The following PAK4 variants were observed in gnomAD, a reference collection of about 807,000 sequenced individuals.
PAK4 encodes p21 (RAC1) activated kinase 4, also known as serine/threonine-protein kinase PAK 4.
Under a neutral mutation model 53.5 loss-of-function variants are expected in PAK4, and 49 were observed. That is an observed-to-expected ratio of 0.92 (90% CI 0.73 to 1.16). PAK4 has a LOEUF of 1.16. Among genes scored for constraint, PAK4 ranks in the 50% most tolerant of loss-of-function variants. The pLI is 0.00. For synonymous variants in PAK4, 376 were observed against 375.6 expected (o/e 1.00, Z -0.01); for missense variants, 824 against 850.7 (o/e 0.97, Z 0.39).
At chr19:39,137,945 C>T (rs1361148826) in intron 1 of PAK4, among the ~76,000 whole-genome samples, 8 of 150,910 alleles carry the variant, frequency 5.3e-5, no homozygotes, top group Non-Finnish European at 5.9e-5. Flanking sequence ...GGATTACAGG[C>T]GGGAGCCACT....
At chr19:39,135,905 C>G (rs991446533) in intron 1 of PAK4, among the ~76,000 whole-genome samples, 7 of 151,608 alleles carry the variant, frequency 4.6e-5, no homozygotes, top group African/African-American at 1.7e-4. Flanking sequence ...TCTTGCCCCC[C>G]CGCCACATCC....
intron 1 of PAK4, among the ~76,000 whole-genome samples, chr19:39,126,233 C>T (rs1387813451): frequency 6.6e-6 from 1 of 151,948 alleles, no homozygotes; most frequent in Non-Finnish European, 1.5e-5. Flanking sequence ...GCTGCCCCCA[C>T]GAGGGTCAGA....
intron 1 of PAK4, among the ~76,000 whole-genome samples, chr19:39,127,535 G>A (rs893841616): frequency 2.0e-5 from 3 of 152,000 alleles, no homozygotes; most frequent in Admixed American, 2.0e-4. Context: ...TCCTTGCCTC[G>A]GTCCCCACTG....
In PAK4 at chr19:39,173,157, T is replaced by G. The variant is rs1385941059; in HGVS notation, c.444T>G (p.Ser148Arg). 2 of 1,540,962 alleles carry G rather than the reference T, an allele frequency of 1.3e-6. No homozygotes were observed. The highest frequency in any genetic ancestry group is 4.0e-5 in the Admixed American group (2 of 50,366). The change falls in exon 3 of 9, where the codon AGT becomes AGG. Residue 148 changes from serine (S) to arginine (R), a missense_variant. Ser to Arg is a moderately radical substitution (Grantham distance 110). Coordinates refer to ENST00000358301, the Ensembl canonical transcript of PAK4. The surrounding 1 kb of genome is among the most constrained non-coding windows in gnomAD (Gnocchi z 6.9). The stretch of plus-strand genomic sequence containing the variant: ...GTCACAGCGAGGCGGGTGGCGGCAG[T>G]GGTGACAGGCGACGGGCGGGGCCAG...
chr19:39,175,112 C>T lies in PAK4; in HGVS notation c.1232+48C>T, dbSNP rs1170777996. On this transcript the variant is annotated intron_variant, in intron 5 of 8. Transcript: ENST00000358301. This position sits in a 1 kb window ranked among gnomAD's most constrained non-coding sequence, Gnocchi z 4.7. ...CTCCTGTGACACGACCAAGTCCCCT[C>T]CAGACCACTAGGGGTGGGGCCACAT... 1 of 1,570,132 alleles carries T rather than the reference C, an allele frequency of 6.4e-7. No homozygotes were observed. The highest frequency in any genetic ancestry group is 8.6e-7 in the Non-Finnish European group (1 of 1,156,070).
rs2074576946 is a variant in PAK4, at chr19:39,175,156, C to A, written c.1232+92C>A. The A allele has an allele frequency of 2.6e-5, 39 of 1,521,098 alleles. No individual in the cohort carries two copies. Among genetic ancestry groups the A allele is most frequent in the Non-Finnish European group, 3.4e-5 (38 of 1,120,540 alleles). 94.2% of individuals were successfully genotyped at this position (1,521,098 alleles called of 1,614,324 possible). A position where few individuals can be genotyped will look rare whatever the true frequency, so the allele number is the denominator to read the frequency against. The stretch of plus-strand genomic sequence containing the variant: ...GCCACATCTCCAAACCAGCTGTGCT[C>A]CGGGCCCCTGGGATGGGGTCGTGTC... On this transcript the variant is annotated intron_variant, in intron 5 of 8. Coordinates refer to ENST00000358301, the Ensembl canonical transcript of PAK4. The surrounding 1 kb of genome is among the most constrained non-coding windows in gnomAD (Gnocchi z 4.7).
chr19:39,158,076 ATGTG>A (rs3057075), intron 1 of PAK4, among the ~76,000 whole-genome samples: 15 of 151,408 alleles, frequency 9.9e-5, no homozygotes, highest in South Asian at 2.1e-4. Flanking sequence ...GTGAGCATGC[ATGTG>A]TGTGTGTGCA....
chr19:39,138,118 G>A (rs527916594), intron 1 of PAK4, among the ~76,000 whole-genome samples: 2 of 152,140 alleles, frequency 1.3e-5, no homozygotes, highest in African/African-American at 2.4e-5. Flanking sequence ...AGCTGGGACT[G>A]CAGGTACACG....
chr19:39,162,808 G>A (rs767660478), intron 1 of PAK4, among the ~76,000 whole-genome samples: 6 of 152,160 alleles, frequency 3.9e-5, no homozygotes, highest in Non-Finnish European at 8.8e-5. Context: ...AGACATGGAC[G>A]GGTGCGTGGG....
chr19:39,127,431 C>A (rs552434446), intron 1 of PAK4, among the ~76,000 whole-genome samples: 39 of 152,220 alleles, frequency 2.6e-4, no homozygotes, highest in African/African-American at 8.9e-4. Context: ...CCCTGGCTCG[C>A]CTTGCTGCAG....
At chr19:39,170,677 G>C (rs2074461445) in intron 2 of PAK4, among the ~76,000 whole-genome samples, 1 of 152,230 alleles carries the variant, frequency 6.6e-6, no homozygotes, top group Non-Finnish European at 1.5e-5. Flanking sequence ...CACCCTCCCG[G>C]TGCCCAGCCC....
At chr19:39,163,725 C>G (rs2074322061) in intron 1 of PAK4, among the ~76,000 whole-genome samples, 1 of 152,198 alleles carries the variant, frequency 6.6e-6, no homozygotes, top group African/African-American at 2.4e-5. Flanking sequence ...GCATCTGTGC[C>G]CCGGCTGGGG....
chr19:39,181,948 G>A (rs1380328357), downstream of PAK4: 3 of 152,246 alleles, frequency 2.0e-5, no homozygotes. Flanking sequence ...AGCATCACTG[G>A]GAGCTTACTG....
At chr19:39,137,194 C>T (rs2145129442) in intron 1 of PAK4, among the ~76,000 whole-genome samples, 1 of 152,134 alleles carries the variant, frequency 6.6e-6, no homozygotes, top group Non-Finnish European at 1.5e-5. Context: ...GAGTGCTGAC[C>T]CGTGTGGCCT....
chr19:39,174,449 C>T (rs1448542355), intron 4 of PAK4, among the ~76,000 whole-genome samples: 1 of 151,900 alleles, frequency 6.6e-6, no homozygotes, highest in Non-Finnish European at 1.5e-5. Flanking sequence ...CTCCCCGTCC[C>T]TCCTTAGAGA....
rs574973076 is a variant in PAK4 at position 39,172,542 on chromosome 19, G to A, written c.205-376G>A. ...TGCCAGGCCAGGCCCTGGCCCCAGC[G>A]CCCTGTCATTTGCAGCCCTCGGGGC... On this transcript the variant is annotated intron_variant, in intron 2 of 8. Transcript: ENST00000358301. 4.7e-4 allele frequency among the ~76,000 whole-genome samples: 71 copies of A among 152,250 alleles called. 2 individuals carry two copies. In the South Asian group the frequency reaches 7.9e-3, roughly 17 times the overall value.
rs118189073 is a variant in PAK4 at position 39,163,430 on chromosome 19, C to T, written c.-22-6102C>T. Among the ~76,000 whole-genome samples, 597 of 152,150 alleles carry T rather than the reference C, an allele frequency of 3.9e-3. 1 individual carries two copies. Among genetic ancestry groups the T allele is most frequent in the Non-Finnish European group, 6.5e-3 (441 of 67,992 alleles). On this transcript the variant is annotated intron_variant, in intron 1 of 8. Transcript: ENST00000358301. ...GGAGGTAAGGGTTTTTGCACGCTCA[C>T]GTCTGCTGACACTGACAGCTTTGTC... is the stretch of plus-strand genomic sequence containing the variant.
At chr19:39,128,385 C>T (rs1008322683) in intron 1 of PAK4, among the ~76,000 whole-genome samples, 2 of 152,292 alleles carry the variant, frequency 1.3e-5, no homozygotes, top group Non-Finnish European at 2.9e-5. Flanking sequence ...CTACCTGGCT[C>T]TGGCAGGGTC....
intron 1 of PAK4, among the ~76,000 whole-genome samples, chr19:39,160,252 C>T (rs954506603): frequency 6.6e-6 from 1 of 152,264 alleles, no homozygotes; most frequent in Non-Finnish European, 1.5e-5. Context: ...CCTGCGCCTC[C>T]TCAGGGACCA....
Sources: gnomAD v4.1 joint callset for allele counts (sites outside exome capture counted in the v4.1 genomes callset) on GRCh38, gnomAD v4.1.1 for gene constraint, Gnocchi (gnomAD v3.1) non-coding constraint, MANE v1.5 for transcripts, NCBI Gene and HGNC (gene_info 2026-07-23, HGNC 2026-07-21) for gene names.